Variants in PHF14 observed in about 807,000 individuals in gnomAD.
The protein encoded by PHF14 is PHD finger protein 14.
PHF14 carries 55 observed loss-of-function variants against 117.9 expected under a neutral mutation model. The ratio of observed to expected loss-of-function variants is 0.47; its 90% CI spans 0.38 to 0.58. PHF14 has a LOEUF of 0.58. Among genes scored for constraint, PHF14 ranks in the 20% least tolerant of loss-of-function variants. The pLI is 0.00. For synonymous variants in PHF14, 409 were observed against 368.6 expected (o/e 1.11, Z -1.26); for missense variants, 978 against 1,122.2 (o/e 0.87, Z 1.84).
intron 17 of PHF14, among the ~76,000 whole-genome samples, chr7:11,138,611 CAAT>C (rs1275825674): frequency 6.6e-6 from 1 of 152,110 alleles, no homozygotes; most frequent in Non-Finnish European, 1.5e-5. Flanking sequence ...TAAAATAAAA[CAAT>C]AACATATAAA....
intron 7 of PHF14, among the ~76,000 whole-genome samples, chr7:11,034,871 G>T: frequency 6.6e-6 from 1 of 151,928 alleles, no homozygotes. Flanking sequence ...TTTATCCTCA[G>T]TAGAATCTGT....
intron 6 of PHF14, among the ~76,000 whole-genome samples, chr7:11,023,807 G>A (rs1030439552): frequency 6.6e-6 from 1 of 152,004 alleles, no homozygotes; most frequent in Non-Finnish European, 1.5e-5. Context: ...CAGCCTGGGC[G>A]ACAGAGTGAG....
intron 4 of PHF14, among the ~76,000 whole-genome samples, chr7:11,004,917 T>C (rs952339001): frequency 6.6e-6 from 1 of 151,926 alleles, no homozygotes; most frequent in African/African-American, 2.4e-5. Flanking sequence ...GTTGGGAGGC[T>C]GAGGCACAAG....
intron 16 of PHF14, among the ~76,000 whole-genome samples, chr7:11,076,352 T>C (rs1001076638): frequency 5.9e-5 from 9 of 152,210 alleles, no homozygotes; most frequent in Non-Finnish European, 8.8e-5. Flanking sequence ...TTCAATGATA[T>C]ATTTGTTGTT....
chr7:11,044,729 A>C (rs758067597), intron 13 of PHF14, among the ~76,000 whole-genome samples: 3 of 152,174 alleles, frequency 2.0e-5, no homozygotes, highest in Non-Finnish European at 2.9e-5. Flanking sequence ...GTCACATTTT[A>C]CTATTATCTA....
rs536873906 is a variant in PHF14, at chr7:11,042,245, A to G, written c.2181-438A>G. 2.6e-5 allele frequency among the ~76,000 whole-genome samples: 4 copies of G among 152,082 alleles called. 1 individual carries two copies. In the South Asian group the frequency reaches 8.3e-4, roughly 31 times the overall value. ...GTTTGAAAGGTTTACAACTAATGGT[A>G]GGAAATAAACTACCTTCTGTTTGTG... On this transcript the variant is annotated intron_variant, in intron 12 of 17. Transcript: ENST00000634607.
intron 16 of PHF14, among the ~76,000 whole-genome samples, chr7:11,083,585 C>T (rs1009222243): frequency 3.3e-5 from 5 of 151,278 alleles, no homozygotes; most frequent in South Asian, 2.1e-4. Flanking sequence ...CTCAGCCTCC[C>T]GAGTAGCTGG....
At chr7:10,994,607 G>A (rs973500372) in intron 4 of PHF14, among the ~76,000 whole-genome samples, 2 of 152,150 alleles carry the variant, frequency 1.3e-5, no homozygotes, top group Non-Finnish European at 2.9e-5. Flanking sequence ...TTTTATTATT[G>A]TGTCCGGAAT....
In PHF14 at chr7:11,022,978, A is replaced by G; in HGVS notation, c.1316A>G (p.Lys439Arg). Residue 439 changes from lysine (K) to arginine (R), a missense_variant and splice_region_variant, in exon 6 of 18, where the codon AAG becomes AGG. Around this residue, in one of 7 missense-constraint regions of PHF14, gnomAD observed 86 missense variants for 137.8 expected, o/e 0.62. Coordinates refer to ENST00000634607, the MANE Select transcript of PHF14 (RefSeq NM_001007157.2). Reference sequence around the variant, plus strand: ...ATGAACTATTCCAAATATGGTGCCAAGGTGAGACACAAAGCATTTTTGATT... The same window carrying G: ...ATGAACTATTCCAAATATGGTGCCAGGGTGAGACACAAAGCATTTTTGATT... ...TEMNYSKYGA[K>R]ECSFCEDPRF... 6.4e-7 allele frequency: 1 copy of G among 1,552,486 alleles called. No homozygotes were observed. The highest frequency in any genetic ancestry group is 8.8e-7 in the Non-Finnish European group (1 of 1,130,792).
intron 3 of PHF14, among the ~76,000 whole-genome samples, chr7:10,990,469 G>A (rs1290244636): frequency 1.3e-5 from 2 of 152,148 alleles, no homozygotes; most frequent in African/African-American, 4.8e-5. Context: ...AGAATACGAA[G>A]CTTGCAGAGA....
At chr7:10,989,812 G>A (rs1199251117) in intron 3 of PHF14, among the ~76,000 whole-genome samples, 2 of 152,022 alleles carry the variant, frequency 1.3e-5, no homozygotes, top group African/African-American at 4.8e-5. Context: ...AAAATATTTT[G>A]TAGAGACAGG....
intron 3 of PHF14, among the ~76,000 whole-genome samples, chr7:10,987,325 T>C (rs1426042387): frequency 1.3e-5 from 2 of 152,180 alleles, no homozygotes; most frequent in Non-Finnish European, 2.9e-5. Flanking sequence ...CTTTTAATTC[T>C]AATTTTACAG....
intron 17 of PHF14, among the ~76,000 whole-genome samples, chr7:11,162,192 G>A (rs1193395645): frequency 1.5e-5 from 2 of 135,406 alleles, no homozygotes; most frequent in South Asian, 2.5e-4. Context: ...AGGTTCAAGC[G>A]ATTCTTGTGC....
At chr7:10,996,409 A>G (rs1394287869) in intron 4 of PHF14, among the ~76,000 whole-genome samples, 2 of 152,182 alleles carry the variant, frequency 1.3e-5, no homozygotes, top group South Asian at 2.1e-4. Context: ...TCATCCTAGT[A>G]CTTTAGAGGA....
intron 16 of PHF14, chr7:11,104,641 A>G: frequency 1.0e-6 from 1 of 981,548 alleles, no homozygotes; most frequent in Non-Finnish European, 1.2e-6. Context: ...GAAGAATGAC[A>G]TAATAGCAAG....
chr7:11,038,719 A>G (rs1311784876), intron 10 of PHF14, 41 bp from the exon 11 acceptor site: 4 of 789,846 alleles, frequency 5.1e-6, no homozygotes, highest in Admixed American at 2.5e-5. Flanking sequence ...TTAAATTGTC[A>G]GATATTTTAA....
intron 17 of PHF14, among the ~76,000 whole-genome samples, chr7:11,120,274 G>A (rs911638009): frequency 6.6e-6 from 1 of 151,968 alleles, no homozygotes; most frequent in African/African-American, 2.4e-5. Context: ...CTTTTAGGTT[G>A]CTCATTTGTA....
chr7:11,137,617 C>T (rs1430932412), intron 17 of PHF14, among the ~76,000 whole-genome samples: 8 of 80,700 alleles, frequency 9.9e-5, no homozygotes, highest in Admixed American at 1.8e-4. Flanking sequence ...TTTTTTGAGA[C>T]GGAGTTTTGC....
chr7:11,133,540 G>C (rs1788140550), intron 17 of PHF14, among the ~76,000 whole-genome samples: 1 of 151,936 alleles, frequency 6.6e-6, no homozygotes, highest in South Asian at 2.1e-4. Context: ...ATTATGTCAT[G>C]AGTTTATAGC....
Sources: allele counts gnomAD v4.1 joint callset (sites outside exome capture counted in the v4.1 genomes callset), GRCh38; gene constraint gnomAD v4.1.1; regional missense constraint gnomAD v4.1.1; transcripts MANE v1.5; gene names NCBI Gene and HGNC (gene_info 2026-07-23, HGNC 2026-07-21).